The following SCLT1 variants were observed in gnomAD, a reference collection of about 807,000 sequenced individuals.
SCLT1 encodes sodium channel and clathrin linker 1.
Under a neutral mutation model 112.8 loss-of-function variants are expected in SCLT1, and 78 were observed. That is an observed-to-expected ratio of 0.69 (90% confidence interval 0.58 to 0.83). The LOEUF (loss-of-function observed/expected upper bound fraction) is 0.83. Among genes scored for constraint, SCLT1 ranks in the 40% least tolerant of loss-of-function variants. The pLI is 0.00. For missense variants in SCLT1, 747 were observed against 770.4 expected, an observed-to-expected ratio of 0.97 and a Z score of 0.36; for synonymous variants, 257 against 254.7, an observed-to-expected ratio of 1.01 and a Z score of -0.09.
At chr4:128,929,014 C>T (rs1736538298) in intron 18 of SCLT1, among the ~76,000 whole-genome samples, 1 of 152,158 alleles carries the variant, frequency 6.6e-6, no homozygotes, top group South Asian at 2.1e-4. Context: ...TATCCCTACT[C>T]TGTGCATTGC....
chr4:128,954,892 G>T (rs1219120224), intron 13 of SCLT1, among the ~76,000 whole-genome samples: 2 of 152,102 alleles, frequency 1.3e-5, no homozygotes, highest in African/African-American at 4.8e-5. Flanking sequence ...GTTCTTATAA[G>T]CCTGTCATGT....
chr4:128,891,065 T>C lies in SCLT1; in HGVS notation c.1902A>G (p.Val634=), dbSNP rs1167276697. ...AGGGGAGTCATTATCTCACCTCAGCTACCTTTTCATTTGCCATTTCCAGCT... is the reference window on the plus strand; with the variant it reads ...AGGGGAGTCATTATCTCACCTCAGCCACCTTTTCATTTGCCATTTCCAGCT... ...LSQLEMANEK[V]AENEKLILEH... The change falls in exon 19 of 21, where the codon GTA becomes GTG. Residue 634 remains valine (V), a synonymous_variant. Transcript: ENST00000281142. 6 of 1,611,594 alleles carry C rather than the reference T, an allele frequency of 3.7e-6. No individual in the cohort carries two copies. The highest frequency in any genetic ancestry group is 1.1e-5 in the South Asian group (1 of 90,912).
intron 18 of SCLT1, 101 bp from the exon 19 acceptor site, chr4:128,891,238 T>C: frequency 2.3e-6 from 2 of 851,946 alleles, no homozygotes; most frequent in Admixed American, 2.4e-5. Context: ...AAAAATATCA[T>C]CTTGAGGTGG....
intron 2 of SCLT1, among the ~76,000 whole-genome samples, chr4:129,076,547 T>C (rs1447504950): frequency 6.6e-6 from 1 of 152,154 alleles, no homozygotes; most frequent in Non-Finnish European, 1.5e-5. Context: ...TTATTTTTAG[T>C]ATTCCATTCT....
At chr4:129,083,760 T>G (rs537047284) in intron 1 of SCLT1, among the ~76,000 whole-genome samples, 1 of 152,312 alleles carries the variant, frequency 6.6e-6, no homozygotes, top group African/African-American at 2.4e-5. Context: ...ACCTCCAAAC[T>G]TGCTTAAAGA....
At chr4:128,883,303 TG>T (rs1732688528), downstream of SCLT1, among the ~76,000 whole-genome samples, 1 of 151,908 alleles carries the variant, frequency 6.6e-6, no homozygotes, top group Admixed American at 6.6e-5. Flanking sequence ...CTGAAGAGAT[TG>T]CTATTCACAT....
intron 2 of SCLT1, among the ~76,000 whole-genome samples, chr4:129,070,095 T>C (rs553079078): frequency 4.5e-4 from 68 of 152,308 alleles, no homozygotes; most frequent in Non-Finnish European, 7.9e-4. Context: ...CCTGCAGCCC[T>C]GCTCTAAAAC....
chr4:128,885,464 T>C (rs1732822484), intron 20 of SCLT1, among the ~76,000 whole-genome samples: 1 of 152,244 alleles, frequency 6.6e-6, no homozygotes. Flanking sequence ...CTTGTGTTTT[T>C]CTTCTAAATA....
At chr4:128,925,868 T>G (rs1239894781) in intron 18 of SCLT1, among the ~76,000 whole-genome samples, 1 of 152,006 alleles carries the variant, frequency 6.6e-6, no homozygotes, top group South Asian at 2.1e-4. Flanking sequence ...GTTTTAAAAT[T>G]CTCTAATATT....
At chr4:128,937,289 A>G (rs1378062434) in intron 17 of SCLT1, among the ~76,000 whole-genome samples, 3 of 151,352 alleles carry the variant, frequency 2.0e-5, no homozygotes, top group Non-Finnish European at 4.4e-5. Flanking sequence ...AAAAAAAAAA[A>G]AAAGAAAAAA....
At position 128,912,113 on chromosome 4, in the gene SCLT1, TATAGAG is replaced by T. The variant is rs369899573; in HGVS notation, c.1830-20982_1830-20977del. Among the ~76,000 whole-genome samples, 321 of 152,342 alleles carry T rather than the reference TATAGAG, an allele frequency of 2.1e-3. 1 individual carries two copies. Among genetic ancestry groups the T allele is most frequent in the African/African-American group, 7.5e-3 (312 of 41,578 alleles). On this transcript the variant is annotated intron_variant, in intron 18 of 20. Coordinates refer to ENST00000281142, the MANE Select transcript of SCLT1 (RefSeq NM_144643.4). ...CTAGAATATATAATGCTGTGGTATA[TATAGAG>T]ACATCATTACACGGAGAGTCAAATG...
chr4:129,074,905 T>C (rs1323763910), intron 2 of SCLT1, among the ~76,000 whole-genome samples: 1 of 152,082 alleles, frequency 6.6e-6, no homozygotes, highest in Non-Finnish European at 1.5e-5. Flanking sequence ...TCTTGCTATG[T>C]TCCTCAGGCT....
At position 129,039,167 on chromosome 4, in the gene SCLT1, C is replaced by T. The variant is rs563988022; in HGVS notation, c.235-71G>A. 5.7e-5 allele frequency: 51 copies of T among 891,946 alleles called. 2 individuals carry two copies. Among genetic ancestry groups the T allele is most frequent in the South Asian group, 3.6e-4 (26 of 71,310 alleles). The allele number at this position is 891,946 out of a possible 1,614,324, so 55.3% of individuals were successfully genotyped here. A position where few individuals can be genotyped will look rare whatever the true frequency, so the allele number is the denominator to read the frequency against. On this transcript the variant is annotated intron_variant, in intron 4 of 20. Coordinates refer to ENST00000281142, the MANE Select transcript of SCLT1 (RefSeq NM_144643.4). ...AGATCTCCATTAAGTAGACCACTCA[C>T]GTAAGCAATCAGATTCTGACACTAG...
At chr4:129,007,814 C>T (rs1418312040) in intron 5 of SCLT1, among the ~76,000 whole-genome samples, 1 of 152,078 alleles carries the variant, frequency 6.6e-6, no homozygotes, top group Admixed American at 6.6e-5. Context: ...AAACACCTCT[C>T]TTTTTGTTCC....
intron 5 of SCLT1, among the ~76,000 whole-genome samples, chr4:129,029,110 T>A (rs1213739518): frequency 6.6e-6 from 1 of 152,106 alleles, no homozygotes; most frequent in Non-Finnish European, 1.5e-5. Flanking sequence ...CTTGTGGAAG[T>A]AAGTGTGGCA....
At chr4:128,970,511 A>G (rs1740601962) in intron 9 of SCLT1, 43 bp from the exon 10 acceptor site, 1 of 1,012,070 alleles carries the variant, frequency 9.9e-7, no homozygotes, top group African/African-American at 1.6e-5. Flanking sequence ...TTCATAGACC[A>G]CTAAGAATAA....
Position 129,039,088 on chromosome 4 carries a change from C to G in SCLT1, c.243G>C (p.Val81=). The G allele has an allele frequency of 5.0e-6, 8 of 1,599,194 alleles. No homozygotes were observed. Among genetic ancestry groups the G allele is most frequent in the Non-Finnish European group, 6.9e-6 (8 of 1,167,064 alleles). ...TTTCAAGTTGTAATTTCATCTCACCCACCTGTTTCTGAAAGAATAAAATAT... is the reference window on the plus strand; with the variant it reads ...TTTCAAGTTGTAATTTCATCTCACCGACCTGTTTCTGAAAGAATAAAATAT... The part of the protein sequence containing the change: ...NGQLKYYQKQ[V]GEMKLQLENV... Residue 81 remains valine, a synonymous_variant, in exon 5 of 21, where the codon GTG becomes GTC. Coordinates refer to ENST00000281142, the MANE Select transcript of SCLT1 (RefSeq NM_144643.4).
At chr4:128,996,102 G>A (rs918168583) in intron 8 of SCLT1, among the ~76,000 whole-genome samples, 1 of 152,030 alleles carries the variant, frequency 6.6e-6, no homozygotes, top group African/African-American at 2.4e-5. Context: ...TGGGAGCTAA[G>A]GGGTCTTTTT....
chr4:129,055,710 C>G (rs371555564), intron 2 of SCLT1, among the ~76,000 whole-genome samples: 2 of 152,038 alleles, frequency 1.3e-5, no homozygotes, highest in East Asian at 3.9e-4. Context: ...TTGCTGGTCT[C>G]CATGGGAGTG....
Sources: gnomAD v4.1 joint callset for allele counts (sites outside exome capture counted in the v4.1 genomes callset) on GRCh38, gnomAD v4.1.1 for gene constraint, MANE v1.5 for transcripts, NCBI Gene and HGNC (gene_info 2026-07-23, HGNC 2026-07-21) for gene names.